The following MID1 variants were observed in gnomAD, a reference collection of about 807,000 sequenced individuals.
MID1 encodes the protein midline 1, also known as E3 ubiquitin-protein ligase Midline-1.
A neutral mutation model predicts 40.4 loss-of-function variants in MID1; 7 were observed. The ratio of observed to expected loss-of-function variants is 0.17; its 90% CI spans 0.10 to 0.33. The LOEUF is 0.33. Ranked by LOEUF, MID1 falls within the 10% of genes least tolerant of loss-of-function variation. The pLI, the probability that MID1 is intolerant of heterozygous loss-of-function variation, is 1.00. For synonymous variants in MID1, 229 were observed against 221.2 expected (o/e 1.04, Z -0.31); for missense variants, 367 against 558.5 (o/e 0.66, Z 3.46).
At chrX:10,704,064 C>T (rs1227589913) in intron 1 of MID1, among the ~76,000 whole-genome samples, 2 of 111,742 alleles carry the variant, frequency 1.8e-5, no homozygotes, top group Non-Finnish European at 3.8e-5. Flanking sequence ...GCCTATTGTA[C>T]CAAAACCATA....
In MID1 at chrX:10,660,996, T is replaced by C. The variant is rs756044488; in HGVS notation, c.-186-40577A>G. Among the ~76,000 whole-genome samples the C allele has an allele frequency of 6.3e-5, 7 of 111,604 alleles. No homozygotes were observed. In the South Asian group the frequency reaches 2.7e-3, roughly 42 times the overall value. On this transcript the variant is annotated intron_variant, in intron 1 of 10. Transcript: ENST00000380785. The stretch of plus-strand genomic sequence containing the variant: ...AATGTAAGCTGAAATGAACTATTAT[T>C]CAGGTTTCAATGCATGTAATTAAAA...
chrX:10,549,514 C>A (rs1933827009), intron 2 of MID1, among the ~76,000 whole-genome samples: 1 of 113,595 alleles, frequency 8.8e-6, no homozygotes, highest in Admixed American at 9.2e-5. Context: ...TTGCCTATGG[C>A]TGCTTTTGAG....
intron 7 of MID1, among the ~76,000 whole-genome samples, chrX:10,465,204 TATATATATATACACACACAC>T (rs1464200993): frequency 3.0e-5 from 2 of 67,375 alleles, no homozygotes; most frequent in African/African-American, 1.5e-4. Flanking sequence ...TATATATATA[TATATATATATACACACACAC>T]ACACACACAC....
At chrX:10,455,098 CAGAAAA>C (rs781656186) in intron 8 of MID1, 21 bp from the exon 9 acceptor site, 84 of 1,145,050 alleles carry the variant, frequency 7.3e-5, no homozygotes, top group Middle Eastern at 4.8e-4. Flanking sequence ...ATTCACAAAA[CAGAAAA>C]AGGAAGAGGA....
chrX:10,829,855 T>G (rs1477677277), intron 1 of MID1, among the ~76,000 whole-genome samples: 2 of 111,854 alleles, frequency 1.8e-5, no homozygotes, highest in African/African-American at 6.5e-5. Context: ...CTTGCCTACT[T>G]TATAAGAATT....
intron 1 of MID1, among the ~76,000 whole-genome samples, chrX:10,762,675 T>TC (rs772840759): frequency 5.4e-5 from 6 of 110,963 alleles, no homozygotes; most frequent in Non-Finnish European, 1.1e-4. Context: ...GCTCAAGCGA[T>TC]CCGCCCGCCT....
chrX:10,491,416 C>T (rs28681614), intron 4 of MID1, among the ~76,000 whole-genome samples: 6,865 of 109,621 alleles, frequency 0.063, 450 homozygotes, highest in African/African-American at 0.19. Context: ...TTTAGTATTA[C>T]CTTTTTTGGG....
chrX:10,769,085 A>G (rs2043748591), intron 1 of MID1, among the ~76,000 whole-genome samples: 1 of 111,819 alleles, frequency 8.9e-6, no homozygotes, highest in Non-Finnish European at 1.9e-5. Flanking sequence ...GCTACACAAT[A>G]TCATGACATG....
chrX:10,714,571 A>G (rs1237957049), intron 1 of MID1, among the ~76,000 whole-genome samples: 1 of 112,826 alleles, frequency 8.9e-6, no homozygotes, highest in Non-Finnish European at 1.9e-5. Context: ...TTGTTAATCG[A>G]ATCTGGAACA....
At chrX:10,731,966 C>CAAAAAAAA (rs754605735) in intron 1 of MID1, among the ~76,000 whole-genome samples, 41 of 26,648 alleles carry the variant, frequency 1.5e-3, no homozygotes, top group African/African-American at 3.6e-3. Flanking sequence ...GAATCTATCA[C>CAAAAAAAA]AAAAAAAAAA....
At chrX:10,457,634 A>T (rs1195163277) in intron 8 of MID1, among the ~76,000 whole-genome samples, 2 of 111,686 alleles carry the variant, frequency 1.8e-5, no homozygotes, top group African/African-American at 6.5e-5. Context: ...GCTTTATTTC[A>T]TGGAAATTTT....
intron 4 of MID1, among the ~76,000 whole-genome samples, chrX:10,487,376 G>A (rs1930674782): frequency 9.0e-6 from 1 of 111,411 alleles, no homozygotes; most frequent in African/African-American, 3.3e-5. Flanking sequence ...CTGTTTTTGT[G>A]ATTTGTCCGT....
At chrX:10,778,264 G>T (rs1446170464) in intron 1 of MID1, among the ~76,000 whole-genome samples, 1 of 110,680 alleles carries the variant, frequency 9.0e-6, no homozygotes, top group Non-Finnish European at 1.9e-5. Context: ...GCAGCCATGA[G>T]GTCAGTAGGT....
intron 3 of MID1, among the ~76,000 whole-genome samples, chrX:10,511,212 C>T (rs1932136481): frequency 9.6e-6 from 1 of 104,599 alleles, no homozygotes; most frequent in Non-Finnish European, 2.0e-5. Flanking sequence ...CACCAGTGCA[C>T]TCCAGCCTGG....
chrX:10,639,360 G>A (rs1936160659), intron 1 of MID1, among the ~76,000 whole-genome samples: 1 of 111,920 alleles, frequency 8.9e-6, no homozygotes, highest in Non-Finnish European at 1.9e-5. Flanking sequence ...AGAACTACGT[G>A]ATGCACGCAC....
chrX:10,533,853 C>T (rs1933135150), intron 2 of MID1, among the ~76,000 whole-genome samples: 1 of 111,696 alleles, frequency 9.0e-6, no homozygotes, highest in African/African-American at 3.3e-5. Flanking sequence ...ATAGCAAAAA[C>T]ATGGTCAAAA....
intron 1 of MID1, among the ~76,000 whole-genome samples, chrX:10,749,566 G>A (rs2043584476): frequency 8.9e-6 from 1 of 112,121 alleles, no homozygotes; most frequent in Non-Finnish European, 1.9e-5. Context: ...CTGAGGCTGG[G>A]TAACCTATAA....
intron 2 of MID1, among the ~76,000 whole-genome samples, chrX:10,542,780 C>G (rs192288050): frequency 6.3e-5 from 7 of 111,431 alleles, no homozygotes; most frequent in Admixed American, 4.8e-4. Context: ...GCAGGAGTAA[C>G]GGAACATTAC....
intron 1 of MID1, among the ~76,000 whole-genome samples, chrX:10,724,309 T>G (rs2043376448): frequency 8.9e-6 from 1 of 111,832 alleles, no homozygotes; most frequent in Non-Finnish European, 1.9e-5. Flanking sequence ...TCTATCTGCC[T>G]CAGCCTCCCA....
Sources: allele counts gnomAD v4.1 joint callset (sites outside exome capture counted in the v4.1 genomes callset), GRCh38; gene constraint gnomAD v4.1.1; transcripts MANE v1.5; gene names NCBI Gene and HGNC (gene_info 2026-07-23, HGNC 2026-07-21).